Variants in SLC24A3 observed in about 807,000 individuals in gnomAD.
The protein encoded by SLC24A3 is sodium/potassium/calcium exchanger 3.
Under a neutral mutation model 75.8 loss-of-function variants are expected in SLC24A3, and 28 were observed. The observed-to-expected ratio is 0.37, with a 90% CI of 0.27 to 0.51. The LOEUF (loss-of-function observed/expected upper bound fraction) is 0.51. SLC24A3 is among the 20% of genes least tolerant of loss of function. SLC24A3 has a pLI of 0.94. For missense variants in SLC24A3, 663 were observed against 847.8 expected, an observed-to-expected ratio of 0.78 and a Z score of 2.71; for synonymous variants, 372 against 334.1, an observed-to-expected ratio of 1.11 and a Z score of -1.24.
chr20:19,411,792 A>G (rs1405596999), intron 2 of SLC24A3, among the ~76,000 whole-genome samples: 36 of 152,248 alleles, frequency 2.4e-4, no homozygotes, highest in Admixed American at 2.4e-3. Context: ...GTTGATCTCC[A>G]GTAGTACATT....
chr20:19,466,274 G>A (rs375502678), intron 2 of SLC24A3, among the ~76,000 whole-genome samples: 9 of 152,110 alleles, frequency 5.9e-5, no homozygotes, highest in Admixed American at 1.3e-4. Flanking sequence ...TAGCCACACC[G>A]TCTGATTGCC....
chr20:19,333,212 G>A (rs1467766319), intron 2 of SLC24A3, among the ~76,000 whole-genome samples: 2 of 152,216 alleles, frequency 1.3e-5, no homozygotes, highest in African/African-American at 4.8e-5. Flanking sequence ...GTGGGACAGT[G>A]GGTGTCCCTG....
intron 2 of SLC24A3, among the ~76,000 whole-genome samples, chr20:19,303,336 G>A (rs1984242591): frequency 6.6e-6 from 1 of 152,154 alleles, no homozygotes; most frequent in African/African-American, 2.4e-5. Flanking sequence ...CAAAGGACAT[G>A]CTCTCGTTCT....
At chr20:19,581,868 T>C (rs1184006850) in intron 4 of SLC24A3, among the ~76,000 whole-genome samples, 1 of 152,226 alleles carries the variant, frequency 6.6e-6, no homozygotes, top group Admixed American at 6.5e-5. Context: ...CTGGCTGCAC[T>C]GCCCAGACCC....
intron 2 of SLC24A3, among the ~76,000 whole-genome samples, chr20:19,365,374 T>A (rs1341454591): frequency 2.6e-5 from 4 of 152,188 alleles, no homozygotes; most frequent in Admixed American, 2.0e-4. Flanking sequence ...CAGGTGAGCC[T>A]GGTTCTAGAT....
At chr20:19,309,188 T>C (rs1413554661) in intron 2 of SLC24A3, among the ~76,000 whole-genome samples, 2 of 152,224 alleles carry the variant, frequency 1.3e-5, no homozygotes, top group Admixed American at 6.5e-5. Context: ...AGCAGATCTA[T>C]GGTTAGAACA....
chr20:19,643,264 C>T (rs1056221633), intron 6 of SLC24A3, among the ~76,000 whole-genome samples: 1 of 152,170 alleles, frequency 6.6e-6, no homozygotes, highest in African/African-American at 2.4e-5. Context: ...CATTTTTAAA[C>T]GCATGCTCCA....
rs192359864 is a variant in SLC24A3 at position 19,349,181 on chromosome 20, A to G, written c.271+68094A>G. 5.6e-4 allele frequency among the ~76,000 whole-genome samples: 85 copies of G among 152,322 alleles called. 1 individual carries two copies. Among genetic ancestry groups the G allele is most frequent in the African/African-American group, 1.5e-3 (61 of 41,580 alleles). ...CTAAGAAGTTCTTTCCTAAACTTCC[A>G]TAGGAACAAGCCAGCATACTTGCAT... On this transcript the variant is annotated intron_variant, in intron 2 of 16. Coordinates refer to ENST00000328041, the MANE Select transcript of SLC24A3 (RefSeq NM_020689.4).
Position 19,712,875 on chromosome 20 carries a change from A to G in SLC24A3, c.1720-4653A>G, listed in dbSNP as rs531935950. 3.3e-5 allele frequency among the ~76,000 whole-genome samples: 5 copies of G among 152,370 alleles called. No homozygotes were observed. The South Asian group carries it at 1.0e-3, about 32-fold the overall frequency. On this transcript the variant is annotated intron_variant, in intron 15 of 16. Coordinates refer to ENST00000328041, the MANE Select transcript of SLC24A3 (RefSeq NM_020689.4). The stretch of plus-strand genomic sequence containing the variant: ...AAAAATGATGCGGATATAAAAGAGT[A>G]CACGCTGCAGGATTCCATTGCTATG...
At chr20:19,286,985 C>T (rs1983833044) in intron 2 of SLC24A3, among the ~76,000 whole-genome samples, 1 of 152,220 alleles carries the variant, frequency 6.6e-6, no homozygotes, top group African/African-American at 2.4e-5. Flanking sequence ...CAAATCACAG[C>T]TGTTGAGATT....
chr20:19,529,473 G>T (rs1448955528), intron 3 of SLC24A3, among the ~76,000 whole-genome samples: 1 of 152,100 alleles, frequency 6.6e-6, no homozygotes. Context: ...TTCAACCTGG[G>T]TCTCCATCCC....
Position 19,240,614 on chromosome 20 carries a change from G to T in SLC24A3, c.142+27630G>T, listed in dbSNP as rs527337615. 2.6e-5 allele frequency among the ~76,000 whole-genome samples: 4 copies of T among 152,322 alleles called. No individual in the cohort carries two copies. In the East Asian group the frequency reaches 7.7e-4, roughly 29 times the overall value. On this transcript the variant is annotated intron_variant, in intron 1 of 16. Transcript: ENST00000328041. ...GACCTCCTTCTGTGGGTCACCCACT[G>T]TCTCTGGTTAGTGAGCCTGATTTGT... is the stretch of plus-strand genomic sequence containing the variant.
intron 3 of SLC24A3, among the ~76,000 whole-genome samples, chr20:19,518,404 A>G (rs2030037441): frequency 6.6e-6 from 1 of 152,218 alleles, no homozygotes. Context: ...CCAAATGCTG[A>G]CGAGGGTCTA....
chr20:19,338,763 A>G (rs566788102), intron 2 of SLC24A3, among the ~76,000 whole-genome samples: 9 of 152,310 alleles, frequency 5.9e-5, no homozygotes, highest in Admixed American at 5.2e-4. Context: ...AACAGTGCTT[A>G]TGATATGGGG....
chr20:19,311,144 C>G (rs1332925760), intron 2 of SLC24A3, among the ~76,000 whole-genome samples: 1 of 151,724 alleles, frequency 6.6e-6, no homozygotes, highest in African/African-American at 2.4e-5. Context: ...TTTGGGGTCA[C>G]TGGAGCTTGG....
At chr20:19,639,949 C>T (rs556606180) in intron 6 of SLC24A3, among the ~76,000 whole-genome samples, 1 of 152,374 alleles carries the variant, frequency 6.6e-6, no homozygotes, top group South Asian at 2.1e-4. Context: ...GCCAAGACCA[C>T]GCCCACCCGG....
chr20:19,546,421 A>C (rs766889465), intron 3 of SLC24A3, among the ~76,000 whole-genome samples: 13 of 152,090 alleles, frequency 8.5e-5, no homozygotes, highest in Non-Finnish European at 1.3e-4. Context: ...TTTTAAAGTA[A>C]TAGATTACAA....
intron 2 of SLC24A3, among the ~76,000 whole-genome samples, chr20:19,357,859 C>T (rs1985717660): frequency 1.3e-5 from 2 of 152,252 alleles, no homozygotes; most frequent in African/African-American, 4.8e-5. Context: ...GCACACTGGA[C>T]TGGGAGGGGG....
intron 7 of SLC24A3, among the ~76,000 whole-genome samples, chr20:19,663,397 C>T (rs1382045380): frequency 7.8e-6 from 1 of 128,906 alleles, no homozygotes; most frequent in Admixed American, 7.7e-5. Flanking sequence ...TTTGTGGAGG[C>T]CTCCTCCTCC....
Sources: allele counts gnomAD v4.1 joint callset (sites outside exome capture counted in the v4.1 genomes callset), GRCh38; gene constraint gnomAD v4.1.1; transcripts MANE v1.5; gene names NCBI Gene and HGNC (gene_info 2026-07-23, HGNC 2026-07-21).